The following SOX6 variants were observed in gnomAD, a reference collection of about 807,000 sequenced individuals.
SOX6 encodes SRY-box transcription factor 6, also known as transcription factor SOX-6.
Under a neutral mutation model 97.8 loss-of-function variants are expected in SOX6, and 11 were observed. The observed-to-expected ratio is 0.11, with a 90% confidence interval of 0.07 to 0.19. SOX6 has a LOEUF of 0.19. SOX6 is among the 10% of genes least tolerant of loss of function. The pLI is 1.00. For synonymous variants in SOX6, 360 were observed against 371.4 expected, an observed-to-expected ratio of 0.97 and a Z score of 0.35; for missense variants, 810 against 1,039.5, an observed-to-expected ratio of 0.78 and a Z score of 3.04.
chr11:16,280,878 T>A lies in SOX6; in HGVS notation c.445+37568A>T, dbSNP rs114500699. On this transcript the variant is annotated intron_variant, in intron 3 of 15. Coordinates refer to ENST00000683767, the MANE Select transcript of SOX6 (RefSeq NM_001367873.1). ...ATAAATAACATACTATTTCAATAAA[T>A]TCCTTTGCCTTAATTATCGTTTTGT... 1.8e-3 allele frequency among the ~76,000 whole-genome samples: 277 copies of A among 152,280 alleles called. 1 individual carries two copies. The highest frequency in any genetic ancestry group is 4.7e-3 in the African/African-American group (196 of 41,568).
Position 16,241,509 on chromosome 11 carries a change from T to A in SOX6, c.446-6838A>T, listed in dbSNP as rs535584801. The stretch of plus-strand genomic sequence containing the variant: ...TTTTAAAATACATACTTCACTTTTT[T>A]AAAACTGTATTCTAATTTCTGTGGA... On this transcript the variant is annotated intron_variant, in intron 3 of 15. Coordinates refer to ENST00000683767, the MANE Select transcript of SOX6 (RefSeq NM_001367873.1). Among the ~76,000 whole-genome samples the A allele has an allele frequency of 5.2e-4, 79 of 152,236 alleles. 2 individuals carry two copies. The South Asian group carries it at 0.013, about 24-fold the overall frequency.
At chr11:16,145,125 A>G (rs1291020494) in intron 6 of SOX6, among the ~76,000 whole-genome samples, 1 of 152,240 alleles carries the variant, frequency 6.6e-6, no homozygotes, top group Non-Finnish European at 1.5e-5. Context: ...AACCGAATCC[A>G]TTAGCACATC....
chr11:16,626,127 A>G (rs978024334), intron 3 of SOX6, among the ~76,000 whole-genome samples: 2 of 152,142 alleles, frequency 1.3e-5, no homozygotes, highest in Non-Finnish European at 2.9e-5. Context: ...CACCCACTCA[A>G]TGTCTGCTGA....
intron 3 of SOX6, among the ~76,000 whole-genome samples, chr11:16,625,466 C>T (rs574608871): frequency 5.3e-5 from 8 of 152,132 alleles, no homozygotes; most frequent in Non-Finnish European, 1.0e-4. Context: ...TGTTCTAATA[C>T]TTCATCTTTA....
chr11:16,700,186 A>C (rs563356160), intron 3 of SOX6, among the ~76,000 whole-genome samples: 1 of 152,318 alleles, frequency 6.6e-6, no homozygotes, highest in Admixed American at 6.5e-5. Context: ...GCAAATTTTG[A>C]ATGAAAATCT....
chr11:16,038,226 G>C (rs1855567113), intron 12 of SOX6, among the ~76,000 whole-genome samples: 1 of 152,126 alleles, frequency 6.6e-6, no homozygotes, highest in African/African-American at 2.4e-5. Context: ...GGGATCTGCA[G>C]GGTAGGGAGG....
intron 1 of SOX6, among the ~76,000 whole-genome samples, chr11:16,437,976 A>C (rs1485175657): frequency 6.6e-6 from 1 of 151,882 alleles, no homozygotes; most frequent in Non-Finnish European, 1.5e-5. Context: ...TATAGCCATC[A>C]ATCAGTAAAC....
intron 4 of SOX6, among the ~76,000 whole-genome samples, chr11:16,549,731 C>T (rs1847661421): frequency 6.6e-6 from 1 of 152,138 alleles, no homozygotes. Flanking sequence ...CAAATTGTCA[C>T]ACATCCATAT....
At chr11:16,393,421 T>C (rs1377845713) in intron 1 of SOX6, among the ~76,000 whole-genome samples, 1 of 151,930 alleles carries the variant, frequency 6.6e-6, no homozygotes, top group Non-Finnish European at 1.5e-5. Flanking sequence ...AAAATATCCC[T>C]CTACCTACCT....
intron 6 of SOX6, among the ~76,000 whole-genome samples, chr11:16,144,335 G>T (rs1186035443): frequency 6.6e-6 from 1 of 152,122 alleles, no homozygotes; most frequent in Non-Finnish European, 1.5e-5. Flanking sequence ...CAGAATCTCT[G>T]GGACACATTT....
intron 3 of SOX6, among the ~76,000 whole-genome samples, chr11:16,689,730 A>C (rs1219189422): frequency 6.6e-6 from 1 of 152,224 alleles, no homozygotes; most frequent in Non-Finnish European, 1.5e-5. Context: ...CTTTGCTTTT[A>C]AGTACATTCT....
At chr11:16,688,226 A>G (rs368203528) in intron 3 of SOX6, among the ~76,000 whole-genome samples, 1 of 152,130 alleles carries the variant, frequency 6.6e-6, no homozygotes, top group East Asian at 1.9e-4. Flanking sequence ...CACCCACCAC[A>G]GTCTCCCAAA....
At chr11:16,735,537 C>T (rs900834015) in intron 2 of SOX6, among the ~76,000 whole-genome samples, 18 of 152,172 alleles carry the variant, frequency 1.2e-4, no homozygotes, top group Non-Finnish European at 2.5e-4. Flanking sequence ...TGGCACACTT[C>T]CTGACATATA....
intron 12 of SOX6, 23 bp from the exon 13 acceptor site, chr11:16,015,073 G>T (rs1325036216): frequency 1.3e-6 from 2 of 1,599,960 alleles, no homozygotes; most frequent in Admixed American, 3.4e-5. Context: ...ATAATCAGAG[G>T]CTTATTCTAG....
intron 3 of SOX6, chr11:16,317,380 C>T (rs1376913298): frequency 6.6e-6 from 1 of 151,764 alleles, no homozygotes; most frequent in Non-Finnish European, 1.5e-5. Context: ...AAGTTGCAAA[C>T]TCAGTAACCA....
At position 16,021,020 on chromosome 11, in the gene SOX6, T is replaced by C. The variant is rs527754786; in HGVS notation, c.1624-5970A>G. 1.2e-4 allele frequency among the ~76,000 whole-genome samples: 18 copies of C among 152,204 alleles called. 1 individual carries two copies. The South Asian group carries it at 3.7e-3, about 32-fold the overall frequency. ...TCAGAAAAACACCTTAAATATTTTA[T>C]AAAAGAGGTAAATAAGCAATTTTAG... is the stretch of plus-strand genomic sequence containing the variant. On this transcript the variant is annotated intron_variant, in intron 12 of 15. Transcript: ENST00000683767.
rs146843276 is a variant in SOX6, at chr11:16,123,260, G to A, written c.778-11337C>T. Reference sequence around the variant, plus strand: ...GTGAGCTCATTATGCAATAATGAATGAATGTCAGAAAAGCATTTAAGCATC... The same window carrying A: ...GTGAGCTCATTATGCAATAATGAATAAATGTCAGAAAAGCATTTAAGCATC... On this transcript the variant is annotated intron_variant, in intron 6 of 15. Transcript: ENST00000683767. Among the ~76,000 whole-genome samples, 86 of 152,122 alleles carry A rather than the reference G, an allele frequency of 5.7e-4. No homozygotes were observed. In the East Asian group the frequency reaches 0.015, roughly 26 times the overall value.
At chr11:16,160,708 C>T (rs77659628) in intron 6 of SOX6, among the ~76,000 whole-genome samples, 4,546 of 152,242 alleles carry the variant, frequency 0.03, 101 homozygotes, top group Non-Finnish European at 0.049. Context: ...TTTTCTTAAA[C>T]TAGATTCTGT....
chr11:16,699,966 A>G (rs1848081008), intron 3 of SOX6, among the ~76,000 whole-genome samples: 1 of 152,076 alleles, frequency 6.6e-6, no homozygotes, highest in African/African-American at 2.4e-5. Flanking sequence ...CTGGTGAGCA[A>G]AAACAGGCTC....
Sources: gnomAD v4.1 joint callset for allele counts (sites outside exome capture counted in the v4.1 genomes callset) on GRCh38, gnomAD v4.1.1 for gene constraint, MANE v1.5 for transcripts, NCBI Gene and HGNC (gene_info 2026-07-23, HGNC 2026-07-21) for gene names.